RALYL: variants seen among roughly 807,000 people sequenced by gnomAD.
RALYL encodes the protein RNA-binding Raly-like protein.
A neutral mutation model predicts 35.1 loss-of-function variants in RALYL; 29 were observed. The observed-to-expected ratio is 0.83, with a 90% CI of 0.61 to 1.13. The LOEUF is 1.13. Ranked by LOEUF, RALYL falls within the 50% of genes most tolerant of loss-of-function variation. RALYL has a pLI of 0.00. For synonymous variants in RALYL, 120 were observed against 127.6 expected, an observed-to-expected ratio of 0.94 and a Z score of 0.40; for missense variants, 359 against 360.4, an observed-to-expected ratio of 1.00 and a Z score of 0.03.
At chr8:84,890,260 G>A (rs1233148397) in intron 8 of RALYL, among the ~76,000 whole-genome samples, 1 of 152,132 alleles carries the variant, frequency 6.6e-6, no homozygotes, top group East Asian at 1.9e-4. Flanking sequence ...CTCATCCACT[G>A]CAAGTGACTG....
At chr8:84,765,006 T>G (rs1365005090) in intron 2 of RALYL, among the ~76,000 whole-genome samples, 5 of 152,126 alleles carry the variant, frequency 3.3e-5, no homozygotes, top group Non-Finnish European at 7.4e-5. Context: ...CATTTGTGGG[T>G]TTTTTTGTTT....
At chr8:84,476,368 C>T (rs1269143814) in intron 1 of RALYL, among the ~76,000 whole-genome samples, 1 of 152,154 alleles carries the variant, frequency 6.6e-6, no homozygotes, top group East Asian at 1.9e-4. Context: ...CACTCCCATA[C>T]ACAATGCTTT....
At chr8:84,893,230 C>A (rs1844179813) in intron 8 of RALYL, among the ~76,000 whole-genome samples, 1 of 152,146 alleles carries the variant, frequency 6.6e-6, no homozygotes, top group Admixed American at 6.5e-5. Context: ...TTCAAATCAT[C>A]CTTCATTGTC....
intron 1 of RALYL, among the ~76,000 whole-genome samples, chr8:84,423,707 T>C (rs986306843): frequency 6.6e-6 from 1 of 151,920 alleles, no homozygotes; most frequent in African/African-American, 2.4e-5. Context: ...CTTTCCATGT[T>C]TAGTGCTTCC....
At chr8:84,186,796 TTCTA>T (rs752651655) in intron 1 of RALYL, among the ~76,000 whole-genome samples, 19 of 152,164 alleles carry the variant, frequency 1.2e-4, no homozygotes, top group African/African-American at 3.9e-4. Context: ...TGTATTACAT[TTCTA>T]TCTATTACAT....
intron 1 of RALYL, among the ~76,000 whole-genome samples, chr8:84,359,880 GTT>G (rs75306640): frequency 2.3e-3 from 333 of 143,504 alleles, no homozygotes; most frequent in African/African-American, 8.3e-3. Context: ...AAAATATCAT[GTT>G]TTTTTTTTTT....
Position 84,482,134 on chromosome 8 carries a change from T to C in RALYL, c.-23-47165T>C, listed in dbSNP as rs1483384556. 2.0e-5 allele frequency among the ~76,000 whole-genome samples: 3 copies of C among 152,094 alleles called. No individual in the cohort carries two copies. The East Asian group carries it at 5.8e-4, about 29-fold the overall frequency. On this transcript the variant is annotated intron_variant, in intron 1 of 8. Coordinates refer to ENST00000521268, the MANE Select transcript of RALYL (RefSeq NM_173848.7). Reference sequence around the variant, plus strand: ...TTAAATAATATGCTTACACTTTTAGTACTTAACAAAACCAGAAATTTTTAA... The same window carrying C: ...TTAAATAATATGCTTACACTTTTAGCACTTAACAAAACCAGAAATTTTTAA...
At chr8:84,442,835 C>T (rs1035330659) in intron 1 of RALYL, among the ~76,000 whole-genome samples, 9 of 152,132 alleles carry the variant, frequency 5.9e-5, no homozygotes, top group Non-Finnish European at 1.3e-4. Flanking sequence ...TACCGAGTGA[C>T]AGCCAGCATC....
intron 4 of RALYL, among the ~76,000 whole-genome samples, chr8:84,818,821 T>A (rs1254040304): frequency 6.6e-6 from 1 of 152,208 alleles, no homozygotes; most frequent in South Asian, 2.1e-4. Flanking sequence ...AGAAAATGCC[T>A]GATGAAATAG....
At chr8:84,725,891 G>C (rs1844861022) in intron 2 of RALYL, among the ~76,000 whole-genome samples, 2 of 151,466 alleles carry the variant, frequency 1.3e-5, no homozygotes, top group South Asian at 4.2e-4. Context: ...ACATTTAATA[G>C]TATTAAGCAA....
chr8:84,433,318 C>T (rs144313179), intron 1 of RALYL, among the ~76,000 whole-genome samples: 58 of 152,058 alleles, frequency 3.8e-4, no homozygotes, highest in African/African-American at 1.0e-3. Flanking sequence ...GTCTATATTG[C>T]CTTGTAGTAT....
intron 2 of RALYL, among the ~76,000 whole-genome samples, chr8:84,609,098 C>T (rs1430131003): frequency 6.6e-6 from 1 of 152,062 alleles, no homozygotes; most frequent in Non-Finnish European, 1.5e-5. Flanking sequence ...TGTCTCAGAA[C>T]AAAGCTAGTA....
chr8:84,798,747 T>C (rs1444125846), intron 3 of RALYL, among the ~76,000 whole-genome samples: 1 of 152,210 alleles, frequency 6.6e-6, no homozygotes, highest in Non-Finnish European at 1.5e-5. Flanking sequence ...TATAACATGC[T>C]TTGGATTCAT....
In RALYL at chr8:84,498,812, C is replaced by T. The variant is rs115287637; in HGVS notation, c.-23-30487C>T. 6.2e-3 allele frequency among the ~76,000 whole-genome samples: 941 copies of T among 151,992 alleles called. 8 individuals carry two copies. The highest frequency in any genetic ancestry group is 0.041 in the East Asian group (210 of 5,170). On this transcript the variant is annotated intron_variant, in intron 1 of 8. Transcript: ENST00000521268. Reference sequence around the variant, plus strand: ...ATCATAAACACAATGCTATGAAAATCATATGATTAAATTTCCTGAGGAGTT... The same window carrying T: ...ATCATAAACACAATGCTATGAAAATTATATGATTAAATTTCCTGAGGAGTT...
chr8:84,896,073 A>C (rs1057295055), intron 8 of RALYL, among the ~76,000 whole-genome samples: 2 of 152,056 alleles, frequency 1.3e-5, no homozygotes, highest in Non-Finnish European at 2.9e-5. Context: ...CTACCTGCCC[A>C]CTACCTGCCC....
chr8:84,510,488 G>A (rs761504761), intron 1 of RALYL, among the ~76,000 whole-genome samples: 3 of 152,054 alleles, frequency 2.0e-5, no homozygotes, highest in Non-Finnish European at 4.4e-5. Context: ...ATCCTCGGTA[G>A]CAATTTTTCA....
At chr8:84,871,615 G>A (rs1840203395) in intron 6 of RALYL, among the ~76,000 whole-genome samples, 1 of 152,150 alleles carries the variant, frequency 6.6e-6, no homozygotes, top group African/African-American at 2.4e-5. Flanking sequence ...GTACTTTGAT[G>A]TCTTTGAAGT....
At chr8:84,754,047 T>A (rs556840259) in intron 2 of RALYL, among the ~76,000 whole-genome samples, 38 of 152,150 alleles carry the variant, frequency 2.5e-4, no homozygotes, top group African/African-American at 8.7e-4. Context: ...TAGCCCTTTG[T>A]CAGATGAGTA....
At chr8:84,826,124 G>A (rs1421690398) in intron 4 of RALYL, among the ~76,000 whole-genome samples, 1 of 151,902 alleles carries the variant, frequency 6.6e-6, no homozygotes, top group East Asian at 1.9e-4. Context: ...ACATAAAGAT[G>A]GCAGCAGCAG....
Sources: allele counts gnomAD v4.1 joint callset (sites outside exome capture counted in the v4.1 genomes callset), GRCh38; gene constraint gnomAD v4.1.1; transcripts MANE v1.5; gene names NCBI Gene and HGNC (gene_info 2026-07-23, HGNC 2026-07-21).